Variants in EPS15L1 observed in about 807,000 individuals in gnomAD.
EPS15L1 encodes the protein epidermal growth factor receptor substrate 15-like 1.
In EPS15L1, 43 loss-of-function variants were observed where a neutral mutation model predicts 117.1. The ratio of observed to expected loss-of-function variants is 0.37; its 90% CI spans 0.29 to 0.47. The LOEUF (loss-of-function observed/expected upper bound fraction) is 0.47, where lower values mean the gene tolerates loss of function less well. Among genes scored for constraint, EPS15L1 ranks in the 20% least tolerant of loss-of-function variants. The probability of loss-of-function intolerance (pLI) is 0.99; values close to 1 mark genes in which losing one functional copy is unlikely to be tolerated. For synonymous variants in EPS15L1, 459 were observed against 470.5 expected (o/e 0.98, Z 0.32); for missense variants, 981 against 1,164.0 (o/e 0.84, Z 2.29).
chr19:16,403,967 C>T (rs776776567), intron 14 of EPS15L1, 37 bp from the exon 15 acceptor site: 2 of 1,570,820 alleles, frequency 1.3e-6, no homozygotes, highest in Non-Finnish European at 1.7e-6. Context: ...AAGAGATTCA[C>T]AGTGCAGGAT....
chr19:16,452,494 C>A (rs1258550182), intron 1 of EPS15L1, among the ~76,000 whole-genome samples: 1 of 150,824 alleles, frequency 6.6e-6, no homozygotes, highest in Non-Finnish European at 1.5e-5. Context: ...GTGGCACTCG[C>A]CTGTAGTCCC....
intron 7 of EPS15L1, among the ~76,000 whole-genome samples, chr19:16,431,463 C>T (rs2145012301): frequency 6.6e-6 from 1 of 151,690 alleles, no homozygotes; most frequent in East Asian, 2.0e-4. Flanking sequence ...GCCACCATGC[C>T]CAGCTAATTT....
chr19:16,402,513 A>G (rs1338754598), intron 15 of EPS15L1, 28 bp from the exon 16 acceptor site: 1 of 1,556,200 alleles, frequency 6.4e-7, no homozygotes, highest in African/African-American at 1.4e-5. Flanking sequence ...CATCAGCATT[A>G]AGCAGGGTCA....
chr19:16,404,584 C>G lies in EPS15L1; in HGVS notation c.1428+4G>C, dbSNP rs765301892. 6 of 1,613,916 alleles carry G rather than the reference C, an allele frequency of 3.7e-6. No individual in the cohort carries two copies. The highest frequency in any genetic ancestry group is 4.2e-6 in the Non-Finnish European group (5 of 1,179,992). On this transcript the variant is annotated splice_donor_region_variant and intron_variant, in intron 14 of 23. Coordinates refer to ENST00000455140, the MANE Select transcript of EPS15L1 (RefSeq NM_001258374.3). This position sits in a 1 kb window ranked among gnomAD's most constrained non-coding sequence, Gnocchi z 4.2. ...GCGCTGCCCCGGAGGTGGCCGGGAC[C>G]CACCATCTGAGTCTCATCCTGGCAC...
At chr19:16,390,425 G>T (rs1037106880) in intron 19 of EPS15L1, among the ~76,000 whole-genome samples, 2 of 152,116 alleles carry the variant, frequency 1.3e-5, no homozygotes, top group African/African-American at 2.4e-5. Flanking sequence ...AATGTTTAAC[G>T]CCTCTCTCTC....
intron 1 of EPS15L1, among the ~76,000 whole-genome samples, chr19:16,465,893 G>A (rs1453207608): frequency 6.6e-6 from 1 of 151,960 alleles, no homozygotes; most frequent in Admixed American, 6.6e-5. Flanking sequence ...CAATGAAGAG[G>A]CCTGAACCTG....
intron 10 of EPS15L1, among the ~76,000 whole-genome samples, chr19:16,420,645 T>C (rs965678572): frequency 3.3e-5 from 5 of 152,244 alleles, no homozygotes; most frequent in African/African-American, 4.8e-5. Flanking sequence ...TCGAGAATTA[T>C]CCAGCAATTC....
intron 22 of EPS15L1, among the ~76,000 whole-genome samples, chr19:16,374,692 GC>G (rs1301018233): frequency 3.3e-5 from 5 of 152,172 alleles, no homozygotes; most frequent in African/African-American, 1.2e-4. Context: ...TGAAAATGAA[GC>G]TTTGCACCTG....
Position 16,371,936 on chromosome 19 carries a change from G to A in EPS15L1, c.2380+5186C>T, listed in dbSNP as rs962569857. Among the ~76,000 whole-genome samples the A allele has an allele frequency of 6.6e-6, 1 of 152,190 alleles. No individual in the cohort carries two copies. Among genetic ancestry groups the A allele is most frequent in the East Asian group, 1.9e-4 (1 of 5,204 alleles). On this transcript the variant is annotated intron_variant, in intron 22 of 23. Coordinates refer to ENST00000455140, the MANE Select transcript of EPS15L1 (RefSeq NM_001258374.3). The surrounding 1 kb of genome is among the most constrained non-coding windows in gnomAD (Gnocchi z 4.7). ...AACCTAACTCTAACTGACAGGTTTC[G>A]GCAGCCTGCCGGGTCTGTGCTGCAT...
chr19:16,442,058 C>G, intron 2 of EPS15L1, 77 bp from the exon 3 acceptor site: 1 of 1,484,090 alleles, frequency 6.7e-7, no homozygotes, highest in East Asian at 2.3e-5. Context: ...GCCACGCTAA[C>G]TATCCGCTGA....
At position 16,365,211 on chromosome 19, in the gene EPS15L1, C is replaced by T. The variant is rs2092116830; in HGVS notation, c.2381-3227G>A. On this transcript the variant is annotated intron_variant, in intron 22 of 23. Transcript: ENST00000455140. The surrounding 1 kb of genome is among the most constrained non-coding windows in gnomAD (Gnocchi z 4.9). ...TGGAAGACGGTGTGGGGCATGGCGG[C>T]CACCCCCCTCAGCCTGTTTCTTAAT... Among the ~76,000 whole-genome samples the T allele has an allele frequency of 6.6e-6, 1 of 152,208 alleles. No homozygotes were observed. The highest frequency in any genetic ancestry group is 2.4e-5 in the African/African-American group (1 of 41,454).
Position 16,370,256 on chromosome 19 carries a change from C to T in EPS15L1, c.2380+6866G>A, listed in dbSNP as rs764387656. ...GCAGTTAGCAGTGGCAGGCAAGGGG[C>T]GCGCTGACTCAGGGCTTTGAATAGG... On this transcript the variant is annotated intron_variant, in intron 22 of 23. Coordinates refer to ENST00000455140, the MANE Select transcript of EPS15L1 (RefSeq NM_001258374.3). The surrounding 1 kb of genome is among the most constrained non-coding windows in gnomAD (Gnocchi z 5.2). 6.6e-5 allele frequency among the ~76,000 whole-genome samples: 10 copies of T among 152,086 alleles called. No individual in the cohort carries two copies. Among genetic ancestry groups the T allele is most frequent in the African/African-American group, 1.9e-4 (8 of 41,412 alleles).
intron 13 of EPS15L1, chr19:16,413,033 G>A: frequency 2.7e-6 from 2 of 737,650 alleles, no homozygotes; most frequent in Non-Finnish European, 4.7e-6. Flanking sequence ...TGCCAGTGCA[G>A]AAACAGACCC....
At chr19:16,413,047 C>T (rs993507116) in intron 13 of EPS15L1, 2 of 730,126 alleles carry the variant, frequency 2.7e-6, no homozygotes, top group Non-Finnish European at 4.8e-6. Context: ...CAGACCCGCG[C>T]CGGCCAGTGC....
intron 9 of EPS15L1, among the ~76,000 whole-genome samples, chr19:16,424,042 C>T (rs1305633716): frequency 6.6e-6 from 1 of 152,210 alleles, no homozygotes; most frequent in African/African-American, 2.4e-5. Context: ...GCAGCCTTGC[C>T]GTGGAGCTGG....
In EPS15L1 at chr19:16,371,820, A is replaced by G. The variant is rs1367975519; in HGVS notation, c.2380+5302T>C. Among the ~76,000 whole-genome samples, 18 of 152,216 alleles carry G rather than the reference A, an allele frequency of 1.2e-4. No homozygotes were observed. Reference sequence around the variant, plus strand: ...AACAACTTTTACCTAGAAACTCTTCAGCGGTGAGCTCTGACTGATCTTGAT... The same window carrying G: ...AACAACTTTTACCTAGAAACTCTTCGGCGGTGAGCTCTGACTGATCTTGAT... On this transcript the variant is annotated intron_variant, in intron 22 of 23. Transcript: ENST00000455140. This position sits in a 1 kb window ranked among gnomAD's most constrained non-coding sequence, Gnocchi z 4.7.
Position 16,425,251 on chromosome 19 carries a change from G to A in EPS15L1, c.624C>T (p.Leu208=), listed in dbSNP as rs775172507. Residue 208 remains leucine (L), a synonymous_variant, in exon 9 of 24, where the codon CTC becomes CTT. Transcript: ENST00000455140. ...EPVPSALPPS[L]IPPSKRKKTV... ...TCTTCTTTCTCTTGGAGGGTGGGAT[G>A]AGGGACGGGGGCAGGGCGGAGGGCA... is the stretch of plus-strand genomic sequence containing the variant. 5 of 1,591,882 alleles carry A rather than the reference G, an allele frequency of 3.1e-6. No individual in the cohort carries two copies. Among genetic ancestry groups the A allele is most frequent in the South Asian group, 1.1e-5 (1 of 90,582 alleles).
chr19:16,363,019 G>C (rs1375968242), intron 22 of EPS15L1, among the ~76,000 whole-genome samples: 1 of 152,204 alleles, frequency 6.6e-6, no homozygotes, highest in Admixed American at 6.5e-5. Flanking sequence ...GAGGATGGTA[G>C]CTTTTCCCAG....
intron 16 of EPS15L1, 101 bp from the exon 17 acceptor site, chr19:16,395,568 T>C: frequency 1.6e-6 from 2 of 1,226,386 alleles, no homozygotes; most frequent in Non-Finnish European, 2.3e-6. Context: ...TTGAGTAGCA[T>C]GACCCTAAAA....
Sources: allele counts gnomAD v4.1 joint callset (sites outside exome capture counted in the v4.1 genomes callset), GRCh38; gene constraint gnomAD v4.1.1; non-coding constraint Gnocchi (gnomAD v3.1); transcripts MANE v1.5; gene names NCBI Gene and HGNC (gene_info 2026-07-23, HGNC 2026-07-21).